Variants in PBX1 observed in about 807,000 individuals in gnomAD.
PBX1 encodes pre-B-cell leukemia transcription factor 1.
A neutral mutation model predicts 53.4 loss-of-function variants in PBX1; 6 were observed. The ratio of observed to expected loss-of-function variants is 0.11; its 90% CI spans 0.06 to 0.22. The LOEUF (loss-of-function observed/expected upper bound fraction) is 0.22, where lower values mean the gene tolerates loss of function less well. Ranked by LOEUF, PBX1 falls within the 10% of genes least tolerant of loss-of-function variation. PBX1 has a pLI of 1.00. For missense variants in PBX1, 251 were observed against 551.4 expected (o/e 0.46, Z 5.46); for synonymous variants, 204 against 212.3 (o/e 0.96, Z 0.34).
At chr1:164,775,525 G>T (rs1014269258) in intron 2 of PBX1, among the ~76,000 whole-genome samples, 6 of 152,166 alleles carry the variant, frequency 3.9e-5, no homozygotes, top group African/African-American at 1.4e-4. Context: ...CTTTGCCTCT[G>T]CCTACCAGCC....
intron 2 of PBX1, among the ~76,000 whole-genome samples, chr1:164,745,151 C>T (rs1318566564): frequency 6.6e-6 from 1 of 152,112 alleles, no homozygotes; most frequent in Non-Finnish European, 1.5e-5. Flanking sequence ...CACATTGCCT[C>T]TCCAAGGAAA....
Position 164,773,967 on chromosome 1 carries a change from AC to A in PBX1, c.266-18526del, listed in dbSNP as rs539776263. 7.2e-5 allele frequency among the ~76,000 whole-genome samples: 11 copies of A among 152,326 alleles called. No homozygotes were observed. The South Asian group carries it at 2.3e-3, about 32-fold the overall frequency. The stretch of plus-strand genomic sequence containing the variant: ...CCATGTTAGTGAAGGCAATTTTTTA[AC>A]GTGATATCCACTTTGAATTCTTTGA... On this transcript the variant is annotated intron_variant, in intron 2 of 8. Coordinates refer to ENST00000420696, the MANE Select transcript of PBX1 (RefSeq NM_002585.4).
intron 2 of PBX1, among the ~76,000 whole-genome samples, chr1:164,760,694 T>A (rs986669442): frequency 1.8e-4 from 27 of 152,348 alleles, no homozygotes; most frequent in African/African-American, 6.5e-4. Flanking sequence ...TATTTCATTC[T>A]CCCGGCTGCT....
chr1:164,624,194 G>A (rs114512150), intron 2 of PBX1, among the ~76,000 whole-genome samples: 70 of 152,286 alleles, frequency 4.6e-4, no homozygotes, highest in African/African-American at 1.7e-3. Context: ...ATCTTTGTTA[G>A]AAATGTTATT....
At chr1:164,574,288 A>G (rs1194576313) in intron 2 of PBX1, among the ~76,000 whole-genome samples, 1 of 152,194 alleles carries the variant, frequency 6.6e-6, no homozygotes, top group East Asian at 1.9e-4. Flanking sequence ...AGAGCACTCC[A>G]TGGTATGACA....
At chr1:164,769,656 T>C (rs1393739311) in intron 2 of PBX1, among the ~76,000 whole-genome samples, 2 of 152,190 alleles carry the variant, frequency 1.3e-5, no homozygotes, top group African/African-American at 4.8e-5. Flanking sequence ...ATGTGGACCT[T>C]GAGCCAACTT....
chr1:164,656,615 C>T (rs959622382), intron 2 of PBX1, among the ~76,000 whole-genome samples: 1 of 151,706 alleles, frequency 6.6e-6, no homozygotes, highest in East Asian at 1.9e-4. Flanking sequence ...CATTTGATGC[C>T]ACTGGAGGAT....
rs773196944 is a variant in PBX1 at position 164,685,845 on chromosome 1, G to A, written c.266-106649G>A. On this transcript the variant is annotated intron_variant, in intron 2 of 8. Transcript: ENST00000420696. ...TAAGTGCATTCTATACACACAGGCC[G>A]CCCTCCTGGCAGTGAGAGTTCAGGA... 4.6e-5 allele frequency among the ~76,000 whole-genome samples: 7 copies of A among 152,156 alleles called. No homozygotes were observed. In the South Asian group the frequency reaches 8.3e-4, roughly 18 times the overall value.
intron 2 of PBX1, among the ~76,000 whole-genome samples, chr1:164,717,180 G>C (rs551741858): frequency 6.6e-6 from 1 of 152,188 alleles, no homozygotes; most frequent in South Asian, 2.1e-4. Context: ...ACCACCGGAA[G>C]GATAGCTGAG....
At chr1:164,685,681 A>C (rs1055412884) in intron 2 of PBX1, among the ~76,000 whole-genome samples, 2 of 152,246 alleles carry the variant, frequency 1.3e-5, no homozygotes, top group Admixed American at 6.5e-5. Flanking sequence ...TTATTACAGC[A>C]GTTCTCAATT....
chr1:164,583,513 TC>T (rs2101747115), intron 2 of PBX1, among the ~76,000 whole-genome samples: 1 of 152,222 alleles, frequency 6.6e-6, no homozygotes, highest in East Asian at 1.9e-4. Context: ...GAGACACTGT[TC>T]CATTTTTCAT....
chr1:164,595,306 G>GAAA (rs1430224598), intron 2 of PBX1, among the ~76,000 whole-genome samples: 7 of 152,174 alleles, frequency 4.6e-5, no homozygotes, highest in African/African-American at 1.7e-4. Flanking sequence ...TGGAAGCCGT[G>GAAA]ATCAGAGCCC....
intron 2 of PBX1, among the ~76,000 whole-genome samples, chr1:164,771,902 C>A (rs1055314533): frequency 6.6e-6 from 1 of 152,096 alleles, no homozygotes; most frequent in African/African-American, 2.4e-5. Context: ...GCCTCCAGGC[C>A]GGAAGGGGGG....
At position 164,733,852 on chromosome 1, in the gene PBX1, G is replaced by A. The variant is rs552056814; in HGVS notation, c.266-58642G>A. Among the ~76,000 whole-genome samples the A allele has an allele frequency of 4.6e-5, 7 of 152,158 alleles. No homozygotes were observed. In the South Asian group the frequency reaches 8.3e-4, roughly 18 times the overall value. ...TTTATATCTTATGCTAAACTTGACCGACTAAAAGAAAACAACTTTTATGCA... is the reference window on the plus strand; with the variant it reads ...TTTATATCTTATGCTAAACTTGACCAACTAAAAGAAAACAACTTTTATGCA... On this transcript the variant is annotated intron_variant, in intron 2 of 8. Transcript: ENST00000420696.
chr1:164,837,403 T>A (rs1200121463), intron 8 of PBX1, among the ~76,000 whole-genome samples: 1 of 152,212 alleles, frequency 6.6e-6, no homozygotes, highest in East Asian at 1.9e-4. Context: ...TTATGCTTCC[T>A]CTTTTCTAGT....
intron 2 of PBX1, among the ~76,000 whole-genome samples, chr1:164,878,051 A>AT (rs1672557926): frequency 6.6e-6 from 1 of 151,986 alleles, no homozygotes; most frequent in South Asian, 2.1e-4. Flanking sequence ...CCAATGTTGT[A>AT]TTTTGTCTTT....
rs150251941 is a variant in PBX1, at chr1:164,778,235, A to G, written c.266-14259A>G. Reference sequence around the variant, plus strand: ...ACTGGGTAACTTTTGTTTCACTTCCATATCTCCTGTCCCAAAAAGTGAAGT... The same window carrying G: ...ACTGGGTAACTTTTGTTTCACTTCCGTATCTCCTGTCCCAAAAAGTGAAGT... On this transcript the variant is annotated intron_variant, in intron 2 of 8. Coordinates refer to ENST00000420696, the MANE Select transcript of PBX1 (RefSeq NM_002585.4). Among the ~76,000 whole-genome samples, 302 of 152,304 alleles carry G rather than the reference A, an allele frequency of 2.0e-3. 5 individuals carry two copies. Among genetic ancestry groups the G allele is most frequent in the Non-Finnish European group, 2.2e-4 (15 of 68,030 alleles).
intron 2 of PBX1, among the ~76,000 whole-genome samples, chr1:164,575,903 G>T (rs1426783311): frequency 6.6e-6 from 1 of 152,100 alleles, no homozygotes; most frequent in Non-Finnish European, 1.5e-5. Flanking sequence ...GCTGCGCGCA[G>T]CACCAAGTAT....
At chr1:164,881,368 AGAAGGAAG>A (rs199990223) in intron 2 of PBX1, among the ~76,000 whole-genome samples, 18 of 11,828 alleles carry the variant, frequency 1.5e-3, no homozygotes, top group South Asian at 3.8e-3. Flanking sequence ...AAGGAGGAAA[AGAAGGAAG>A]GAAGGAAGGA....
Sources: gnomAD v4.1 joint callset for allele counts (sites outside exome capture counted in the v4.1 genomes callset) on GRCh38, gnomAD v4.1.1 for gene constraint, MANE v1.5 for transcripts, NCBI Gene and HGNC (gene_info 2026-07-23, HGNC 2026-07-21) for gene names.